Variants in GREM1 observed in about 807,000 individuals in gnomAD.
GREM1 encodes gremlin 1, DAN family BMP antagonist, also known as gremlin-1.
Under a neutral mutation model 13.1 loss-of-function variants are expected in GREM1, and 6 were observed. The observed-to-expected ratio is 0.46, with a 90% CI of 0.25 to 0.91. The LOEUF (loss-of-function observed/expected upper bound fraction) is 0.91. Among genes scored for constraint, GREM1 ranks in the 40% least tolerant of loss-of-function variants. GREM1 has a pLI of 0.18. For missense variants in GREM1, 185 were observed against 233.9 expected (o/e 0.79, Z 1.36); for synonymous variants, 98 against 93.7 (o/e 1.05, Z -0.27).
Position 32,737,344 on chromosome 15 carries a change from TTTAAG to T in GREM1, c.*6101_*6105del. On this transcript the variant is annotated 3_prime_UTR_variant, in exon 2 of 2. Transcript: ENST00000651154. The stretch of plus-strand genomic sequence containing the variant: ...AATAAAACCATAGACCAATATCTCT[TTTAAG>T]TGTAAATGCAAAAAAATTCAACAAA... The T allele has an allele frequency of 6.6e-6, 1 of 152,256 alleles. No homozygotes were observed. The highest frequency in any genetic ancestry group is 1.5e-5 in the Non-Finnish European group (1 of 68,020). 9.4% of individuals were successfully genotyped at this position (152,256 alleles called of 1,614,324 possible).
Position 32,743,075 on chromosome 15 carries a change from C to T in GREM1, c.*11830C>T, listed in dbSNP as rs1334043954. 1.3e-5 allele frequency: 2 copies of T among 152,176 alleles called. No homozygotes were observed. The highest frequency in any genetic ancestry group is 2.9e-5 in the Non-Finnish European group (2 of 68,034). The allele number at this position is 152,176 out of a possible 1,614,324, so 9.4% of individuals were successfully genotyped here. A position where few individuals can be genotyped will look rare whatever the true frequency, so the allele number is the denominator to read the frequency against. ...ACGACCAACTGAATGAAAAGGCAAT[C>T]TATGGAACAGAAGACACGGGGTGAC... is the stretch of plus-strand genomic sequence containing the variant. On this transcript the variant is annotated 3_prime_UTR_variant, in exon 2 of 2. Coordinates refer to ENST00000651154, the MANE Select transcript of GREM1 (RefSeq NM_013372.7).
intron 1 of GREM1, among the ~76,000 whole-genome samples, chr15:32,722,767 G>A (rs2055430057): frequency 6.6e-6 from 1 of 152,198 alleles, no homozygotes; most frequent in Admixed American, 6.5e-5. Context: ...TGGAATGAAA[G>A]AGAGGATAGA....
In GREM1 at chr15:32,732,910, C is replaced by T. The variant is rs770357333; in HGVS notation, c.*1665C>T. On this transcript the variant is annotated 3_prime_UTR_variant, in exon 2 of 2. Coordinates refer to ENST00000651154, the MANE Select transcript of GREM1 (RefSeq NM_013372.7). ...ATCTTCTCAGCCTCCTAGCCAAGTC[C>T]TATGTAATATGGAAAACAAACACTG... 2.3e-5 allele frequency: 5 copies of T among 220,096 alleles called. No homozygotes were observed. Among genetic ancestry groups the T allele is most frequent in the Non-Finnish European group, 5.0e-5 (5 of 100,500 alleles). The allele number at this position is 220,096 out of a possible 1,614,324, so 13.6% of individuals were successfully genotyped here. A position where few individuals can be genotyped will look rare whatever the true frequency, so the allele number is the denominator to read the frequency against.
At chr15:32,729,033 C>CT (rs1026152827) in intron 1 of GREM1, among the ~76,000 whole-genome samples, 65 of 148,308 alleles carry the variant, frequency 4.4e-4, no homozygotes, top group Non-Finnish European at 5.8e-4. Context: ...TTTCTTTCTT[C>CT]TTTTTTTTGA....
At position 32,727,176 on chromosome 15, in the gene GREM1, G is replaced by C. The variant is rs376515659; in HGVS notation, c.-1-3514G>C. 1.1e-4 allele frequency among the ~76,000 whole-genome samples: 16 copies of C among 149,828 alleles called. No individual in the cohort carries two copies. In the South Asian group the frequency reaches 1.1e-3, roughly 10 times the overall value. On this transcript the variant is annotated intron_variant, in intron 1 of 1. Transcript: ENST00000651154. ...CATTTTATGAGGCCAGCATCATCCTGATACCAAAACCTGGCAGAGACACAA... is the reference window on the plus strand; with the variant it reads ...CATTTTATGAGGCCAGCATCATCCTCATACCAAAACCTGGCAGAGACACAA...
chr15:32,719,747 C>T (rs1218990640), intron 1 of GREM1, among the ~76,000 whole-genome samples: 2 of 152,168 alleles, frequency 1.3e-5, no homozygotes, highest in African/African-American at 4.8e-5. Context: ...GTAGTGGCTT[C>T]CTTCTGGCTG....
Position 32,736,111 on chromosome 15 carries a change from C to T in GREM1, c.*4866C>T, listed in dbSNP as rs1182837647. ...AAGGTGACAGAATGGAGTTGGAGTT[C>T]TTTCAAAGTCCCATTCCTAGACAAT... On this transcript the variant is annotated 3_prime_UTR_variant, in exon 2 of 2. Coordinates refer to ENST00000651154, the MANE Select transcript of GREM1 (RefSeq NM_013372.7). 1 of 152,184 alleles carries T rather than the reference C, an allele frequency of 6.6e-6. No homozygotes were observed. The highest frequency in any genetic ancestry group is 2.4e-5 in the African/African-American group (1 of 41,448). 9.4% of individuals were successfully genotyped at this position (152,184 alleles called of 1,614,324 possible). A position where few individuals can be genotyped will look rare whatever the true frequency, so the allele number is the denominator to read the frequency against.
In GREM1 at chr15:32,737,951, G is replaced by GAAAAAA. The variant is rs1567117341; in HGVS notation, c.*6711_*6712insAAAAAA. On this transcript the variant is annotated 3_prime_UTR_variant, in exon 2 of 2. Coordinates refer to ENST00000651154, the MANE Select transcript of GREM1 (RefSeq NM_013372.7). ...CTCAAAAAAAAAAAAAAAAAGAAAA[G>GAAAAAA]AAAAACCCACAGCTAACATCATACT... 1 of 98,784 alleles carries GAAAAAA rather than the reference G, an allele frequency of 1.0e-5. No homozygotes were observed. Among genetic ancestry groups the GAAAAAA allele is most frequent in the Non-Finnish European group, 2.2e-5 (1 of 46,164 alleles). 6.1% of individuals were successfully genotyped at this position (98,784 alleles called of 1,614,324 possible). A position where few individuals can be genotyped will look rare whatever the true frequency, so the allele number is the denominator to read the frequency against.
intron 1 of GREM1, among the ~76,000 whole-genome samples, chr15:32,730,285 G>A (rs1236282264): frequency 6.6e-6 from 1 of 152,198 alleles, no homozygotes; most frequent in Non-Finnish European, 1.5e-5. Flanking sequence ...GGAGGTTTCC[G>A]GAGGAATGAA....
Position 32,731,306 on chromosome 15 carries a change from A to C in GREM1, c.*61A>C. On this transcript the variant is annotated 3_prime_UTR_variant, in exon 2 of 2. Coordinates refer to ENST00000651154, the MANE Select transcript of GREM1 (RefSeq NM_013372.7). ...GCAGCCCCAGGAAGTCCCAGACCTAAAACAACCAGATTCTTACTTGGCTTA... is the reference window on the plus strand; with the variant it reads ...GCAGCCCCAGGAAGTCCCAGACCTACAACAACCAGATTCTTACTTGGCTTA... 7.5e-7 allele frequency: 1 copy of C among 1,335,104 alleles called. No homozygotes were observed. Among genetic ancestry groups the C allele is most frequent in the Admixed American group, 1.9e-5 (1 of 52,480 alleles). The allele number at this position is 1,335,104 out of a possible 1,614,324, so 82.7% of individuals were successfully genotyped here.
rs1022346974 is a variant in GREM1, at chr15:32,745,097, T to C, written c.*13852T>C. 4 of 152,218 alleles carry C rather than the reference T, an allele frequency of 2.6e-5. No homozygotes were observed. Among genetic ancestry groups the C allele is most frequent in the African/African-American group, 4.8e-5 (2 of 41,454 alleles). 9.4% of individuals were successfully genotyped at this position (152,218 alleles called of 1,614,324 possible). A position where few individuals can be genotyped will look rare whatever the true frequency, so the allele number is the denominator to read the frequency against. On this transcript the variant is annotated 3_prime_UTR_variant, in exon 2 of 2. Transcript: ENST00000651154. Reference sequence around the variant, plus strand: ...GCTGAAATTAGATAAATAAAATGATTTGCCTAATGCCTCATGAGTGATTTG... The same window carrying C: ...GCTGAAATTAGATAAATAAAATGATCTGCCTAATGCCTCATGAGTGATTTG...
chr15:32,718,471 A>T, intron 1 of GREM1: 3 of 467,080 alleles, frequency 6.4e-6, no homozygotes, highest in South Asian at 4.6e-5. Context: ...TGCTGGTGGC[A>T]GCAGCGCCTG....
chr15:32,720,020 C>G (rs772734066), intron 1 of GREM1, among the ~76,000 whole-genome samples: 2 of 152,104 alleles, frequency 1.3e-5, no homozygotes, highest in Non-Finnish European at 2.9e-5. Flanking sequence ...ATGGCACTGT[C>G]AAATTGTTAA....
rs1176233030 is a variant in GREM1, at chr15:32,734,673, G to C, written c.*3428G>C. Reference sequence around the variant, plus strand: ...AATTAAACCTATTCTTTCTGTGTGTGTGAGCGTGCGTTTGTGTTTGGTAGT... The same window carrying C: ...AATTAAACCTATTCTTTCTGTGTGTCTGAGCGTGCGTTTGTGTTTGGTAGT... On this transcript the variant is annotated 3_prime_UTR_variant, in exon 2 of 2. Transcript: ENST00000651154. 4.3e-6 allele frequency: 1 copy of C among 232,838 alleles called. No individual in the cohort carries two copies. Among genetic ancestry groups the C allele is most frequent in the African/African-American group, 2.2e-5 (1 of 44,868 alleles). The allele number at this position is 232,838 out of a possible 1,614,324, so 14.4% of individuals were successfully genotyped here. A position where few individuals can be genotyped will look rare whatever the true frequency, so the allele number is the denominator to read the frequency against.
At position 32,736,026 on chromosome 15, in the gene GREM1, A is replaced by G. The variant is rs1285170554; in HGVS notation, c.*4781A>G. On this transcript the variant is annotated 3_prime_UTR_variant, in exon 2 of 2. Coordinates refer to ENST00000651154, the MANE Select transcript of GREM1 (RefSeq NM_013372.7). ...CTCATCTCCCCCTCTCCAGCTCCAC[A>G]ATAGCTTTGAAACCAACAGCCTGCA... The G allele has an allele frequency of 6.6e-6, 1 of 152,196 alleles. No homozygotes were observed. Among genetic ancestry groups the G allele is most frequent in the Non-Finnish European group, 1.5e-5 (1 of 68,034 alleles). The allele number at this position is 152,196 out of a possible 1,614,324, so 9.4% of individuals were successfully genotyped here. A position where few individuals can be genotyped will look rare whatever the true frequency, so the allele number is the denominator to read the frequency against.
At position 32,735,919 on chromosome 15, in the gene GREM1, G is replaced by A. The variant is rs1312984242; in HGVS notation, c.*4674G>A. ...CTTATAGCTCTGGAAATTAACTGAA[G>A]ATGTATAGCAATTTGCAGAGCATTT... On this transcript the variant is annotated 3_prime_UTR_variant, in exon 2 of 2. Coordinates refer to ENST00000651154, the MANE Select transcript of GREM1 (RefSeq NM_013372.7). The A allele has an allele frequency of 6.6e-6, 1 of 152,154 alleles. No individual in the cohort carries two copies. The highest frequency in any genetic ancestry group is 1.9e-4 in the East Asian group (1 of 5,198). The allele number at this position is 152,154 out of a possible 1,614,324, so 9.4% of individuals were successfully genotyped here.
At position 32,738,083 on chromosome 15, in the gene GREM1, CAAAAAAAAAAAAAAAAAAAAAAAAAAAAA is replaced by C. The variant is rs67118209; in HGVS notation, c.*6860_*6888del. The C allele has an allele frequency of 3.7e-4, 7 of 18,928 alleles. No homozygotes were observed. The highest frequency in any genetic ancestry group is 1.6e-3 in the African/African-American group (7 of 4,376). The allele number at this position is 18,928 out of a possible 1,614,324, so 1.2% of individuals were successfully genotyped here. A position where few individuals can be genotyped will look rare whatever the true frequency, so the allele number is the denominator to read the frequency against. ...GGAGGTTCTACCTAGGGTAATTAGG[CAAAAAAAAAAAAAAAAAAAAAAAAAAAAA>C]AAAAAAAAAAAAAAAAAAAAAGAAA... is the stretch of plus-strand genomic sequence containing the variant. On this transcript the variant is annotated 3_prime_UTR_variant, in exon 2 of 2. Transcript: ENST00000651154.
In GREM1 at chr15:32,732,593, T is replaced by C. The variant is rs1215527787; in HGVS notation, c.*1348T>C. 1 of 245,612 alleles carries C rather than the reference T, an allele frequency of 4.1e-6. No individual in the cohort carries two copies. 15.2% of individuals were successfully genotyped at this position (245,612 alleles called of 1,614,324 possible). A position where few individuals can be genotyped will look rare whatever the true frequency, so the allele number is the denominator to read the frequency against. On this transcript the variant is annotated 3_prime_UTR_variant, in exon 2 of 2. Transcript: ENST00000651154. Reference sequence around the variant, plus strand: ...GTAAGGGATATGACCTCCCTTTCTTTATGTGCTCACTGAGGATCTGAGGGG... The same window carrying C: ...GTAAGGGATATGACCTCCCTTTCTTCATGTGCTCACTGAGGATCTGAGGGG...
In GREM1 at chr15:32,737,559, C is replaced by G. The variant is rs1171607308; in HGVS notation, c.*6314C>G. 1 of 152,086 alleles carries G rather than the reference C, an allele frequency of 6.6e-6. No homozygotes were observed. The highest frequency in any genetic ancestry group is 1.5e-5 in the Non-Finnish European group (1 of 68,038). 9.4% of individuals were successfully genotyped at this position (152,086 alleles called of 1,614,324 possible). A position where few individuals can be genotyped will look rare whatever the true frequency, so the allele number is the denominator to read the frequency against. On this transcript the variant is annotated 3_prime_UTR_variant, in exon 2 of 2. Coordinates refer to ENST00000651154, the MANE Select transcript of GREM1 (RefSeq NM_013372.7). ...AAATCATTTGGCAAAATTCAACACCCCTTTGTAATAAAATCACTCAACACA... is the reference window on the plus strand; with the variant it reads ...AAATCATTTGGCAAAATTCAACACCGCTTTGTAATAAAATCACTCAACACA...
Sources: allele counts gnomAD v4.1 joint callset (sites outside exome capture counted in the v4.1 genomes callset), GRCh38; gene constraint gnomAD v4.1.1; transcripts MANE v1.5; gene names NCBI Gene and HGNC (gene_info 2026-07-23, HGNC 2026-07-21).